Variants in FAM234A observed in about 807,000 individuals in gnomAD.
FAM234A encodes protein FAM234A.
A neutral mutation model predicts 49.1 loss-of-function variants in FAM234A; 42 were observed. The observed-to-expected ratio is 0.86, with a 90% CI of 0.67 to 1.11. The LOEUF (loss-of-function observed/expected upper bound fraction) is 1.11, where lower values mean the gene tolerates loss of function less well. Ranked by LOEUF, FAM234A falls within the 50% of genes least tolerant of loss-of-function variation. FAM234A has a pLI of 0.00. For synonymous variants in FAM234A, 369 were observed against 316.2 expected (o/e 1.17, Z -1.77); for missense variants, 815 against 745.2 (o/e 1.09, Z -1.09).
At chr16:267,639 T>TACAC (rs368357506), downstream of FAM234A, among the ~76,000 whole-genome samples, 584 of 82,184 alleles carry the variant, frequency 7.1e-3, no homozygotes, top group African/African-American at 0.019. Context: ...ACATGCCTCA[T>TACAC]ACGACACGTG....
intron 2 of FAM234A, 138 bp from the exon 3 acceptor site, chr16:254,243 C>T (rs2051136638): frequency 1.4e-6 from 1 of 700,196 alleles, no homozygotes; most frequent in Non-Finnish European, 2.5e-6. Context: ...ATTTATTTAG[C>T]TTTTATTTCC....
At chr16:239,351 C>A (rs995744095) in intron 1 of FAM234A, among the ~76,000 whole-genome samples, 1 of 150,636 alleles carries the variant, frequency 6.6e-6, no homozygotes, top group African/African-American at 2.4e-5. Flanking sequence ...CGGTGGCTCA[C>A]GCCTGTAATC....
chr16:238,794 A>G (rs1231322506), intron 1 of FAM234A, among the ~76,000 whole-genome samples: 2 of 141,590 alleles, frequency 1.4e-5, no homozygotes, highest in South Asian at 2.3e-4. Context: ...AAAGAAAAAA[A>G]AAATCCCTGG....
chr16:255,469 G>T (rs1268179864), intron 3 of FAM234A, among the ~76,000 whole-genome samples: 1 of 152,170 alleles, frequency 6.6e-6, no homozygotes, highest in Non-Finnish European at 1.5e-5. Flanking sequence ...AGCTACTTGG[G>T]AGGCTGAGGT....
chr16:259,438 A>T (rs2051367606), intron 3 of FAM234A, 45 bp from the exon 4 acceptor site: 1 of 1,139,980 alleles, frequency 8.8e-7, no homozygotes, highest in Non-Finnish European at 1.3e-6. Context: ...GTTCCTGGAA[A>T]CCAGGCATGG....
chr16:265,147 G>GGGC lies in FAM234A; in HGVS notation c.*126_*128dup. ...CCTGACCCTGGTGATGGTCGCCACTGGGCAGCAGCAGCCTTACCAGTCCTC... is the reference window on the plus strand; with the variant it reads ...CCTGACCCTGGTGATGGTCGCCACTGGGCGGCAGCAGCAGCCTTACCAGTCCTC... On this transcript the variant is annotated 3_prime_UTR_variant, in exon 13 of 13. Coordinates refer to ENST00000399932, the MANE Select transcript of FAM234A (RefSeq NM_032039.4). The GGGC allele has an allele frequency of 6.9e-7, 1 of 1,444,692 alleles. No homozygotes were observed. Among genetic ancestry groups the GGGC allele is most frequent in the Non-Finnish European group, 9.1e-7 (1 of 1,102,982 alleles). 89.5% of individuals were successfully genotyped at this position (1,444,692 alleles called of 1,614,324 possible).
chr16:268,071 G>A (rs989927171), downstream of FAM234A, among the ~76,000 whole-genome samples: 3 of 142,654 alleles, frequency 2.1e-5, no homozygotes, highest in Non-Finnish European at 4.5e-5. Context: ...AATCACACAT[G>A]CTATGCGTAC....
At position 254,371 on chromosome 16, in the gene FAM234A, A is replaced by G. The variant is rs753992917; in HGVS notation, c.-33-10A>G. The stretch of plus-strand genomic sequence containing the variant: ...GCTGGCCTCGCCGACCTCTTGCTTT[A>G]TCGACACAGTGACCAGGAGTTAAAC... On this transcript the variant is annotated splice_polypyrimidine_tract_variant and intron_variant, in intron 2 of 12. Transcript: ENST00000399932. The G allele has an allele frequency of 6.2e-7, 1 of 1,607,198 alleles. No homozygotes were observed. The highest frequency in any genetic ancestry group is 2.2e-5 in the East Asian group (1 of 44,804).
Position 263,384 on chromosome 16 carries a change from A to G in FAM234A, c.1094A>G (p.Lys365Arg), listed in dbSNP as rs201996983. 1.0e-3 allele frequency: 1,682 copies of G among 1,610,848 alleles called. 5 individuals are homozygous for G. Among genetic ancestry groups the G allele is most frequent in the Middle Eastern group, 2.3e-3 (14 of 6,062 alleles). The change falls in exon 9 of 13, where the codon AAG becomes AGG. Residue 365 changes from lysine to arginine, a missense_variant. Lys to Arg is a conservative substitution (Grantham distance 26). Coordinates refer to ENST00000399932, the MANE Select transcript of FAM234A (RefSeq NM_032039.4). ...GQELTPRWTP[K>R]AAHVLRKPIF... ...GAGCTGACGCCTCGCTGGACACCCAAGGCAGCCCATGTCCTGAGGTACAGG... is the reference window on the plus strand; with the variant it reads ...GAGCTGACGCCTCGCTGGACACCCAGGGCAGCCCATGTCCTGAGGTACAGG...
At chr16:244,266 T>C (rs1013299235) in intron 1 of FAM234A, among the ~76,000 whole-genome samples, 11 of 152,132 alleles carry the variant, frequency 7.2e-5, no homozygotes, top group African/African-American at 1.9e-4. Flanking sequence ...CCGCGCCCGG[T>C]CGGAAAATGA....
Position 245,825 on chromosome 16 carries a change from C to T in FAM234A, c.-139-3724C>T, listed in dbSNP as rs150944864. On this transcript the variant is annotated intron_variant, in intron 1 of 12. Transcript: ENST00000399932. ...CAGTGTTTTTCTTAATGATTTCCACCTTTGGGGTCATGCGTTCAAGACTTT... is the reference window on the plus strand; with the variant it reads ...CAGTGTTTTTCTTAATGATTTCCACTTTTGGGGTCATGCGTTCAAGACTTT... Among the ~76,000 whole-genome samples, 475 of 152,238 alleles carry T rather than the reference C, an allele frequency of 3.1e-3. 4 individuals are homozygous for T. Among genetic ancestry groups the T allele is most frequent in the African/African-American group, 0.011 (467 of 41,532 alleles).
intron 1 of FAM234A, among the ~76,000 whole-genome samples, chr16:242,949 T>C (rs978940842): frequency 2.6e-5 from 4 of 152,054 alleles, no homozygotes; most frequent in African/African-American, 9.6e-5. Flanking sequence ...ACGTATTGTA[T>C]TGACAAATTT....
chr16:253,113 T>C (rs1470248229), intron 2 of FAM234A, among the ~76,000 whole-genome samples: 1 of 152,228 alleles, frequency 6.6e-6, no homozygotes, highest in Non-Finnish European at 1.5e-5. Context: ...TGGGTGGTGG[T>C]GGTTGGCAGA....
At chr16:253,692 T>G (rs1415278549) in intron 2 of FAM234A, 3 of 152,254 alleles carry the variant, frequency 2.0e-5, no homozygotes, top group African/African-American at 7.2e-5. Context: ...GCCAGGATGG[T>G]CTTGATCTCC....
chr16:253,183 C>T (rs748978076), intron 2 of FAM234A, among the ~76,000 whole-genome samples: 2 of 152,088 alleles, frequency 1.3e-5, no homozygotes, highest in Non-Finnish European at 2.9e-5. Flanking sequence ...GTTTCTAAGA[C>T]GGCGACTGCC....
rs1567224620 is a variant in FAM234A at position 262,130 on chromosome 16, A to C, written c.746A>C (p.Gln249Pro). The change falls in exon 7 of 13, where the codon CAG becomes CCG. Residue 249 changes from glutamine (Q) to proline (P), a missense_variant. Physicochemically the swap from Gln to Pro is moderately conservative, Grantham distance 76 (BLOSUM62 -1). Transcript: ENST00000399932. Reference protein sequence around the residue: ...GHLYSGSTGHQIGLRGSLGVD... With the variant: ...GHLYSGSTGHPIGLRGSLGVD... ...CTCTACTCCGGCAGCACCGGGCACC[A>C]GATTGGCCTCAGAGGCAGCCTTGGT... 1 of 1,614,056 alleles carries C rather than the reference A, an allele frequency of 6.2e-7. No homozygotes were observed. Among genetic ancestry groups the C allele is most frequent in the Non-Finnish European group, 8.5e-7 (1 of 1,180,026 alleles).
At chr16:247,578 C>T (rs928349213) in intron 1 of FAM234A, among the ~76,000 whole-genome samples, 4 of 151,710 alleles carry the variant, frequency 2.6e-5, no homozygotes, top group African/African-American at 9.7e-5. Context: ...GATTAAGGTG[C>T]CCGCCACCAC....
chr16:269,045 C>T, downstream of FAM234A: 1 of 1,170,116 alleles, frequency 8.5e-7, no homozygotes, highest in East Asian at 2.6e-5. Context: ...GCCAATGAAC[C>T]CCCTCCCTGG....
rs373250620 is a variant in FAM234A, at chr16:264,069, G to T, written c.1242G>T (p.Pro414=). The change falls in exon 11 of 13, where the codon CCG becomes CCT. Residue 414 remains proline, a synonymous_variant. Transcript: ENST00000399932. ...CCGTCCTGTGTAGCCTAGCCCTCCC[G>T]AGCCTCCCTGGGGGTCCACTGTCCG... is the stretch of plus-strand genomic sequence containing the variant. ...TGAVLCSLAL[P]SLPGGPLSAS... 1 of 1,612,878 alleles carries T rather than the reference G, an allele frequency of 6.2e-7. No homozygotes were observed. The highest frequency in any genetic ancestry group is 1.3e-5 in the African/African-American group (1 of 74,902).
Sources: allele counts gnomAD v4.1 joint callset (sites outside exome capture counted in the v4.1 genomes callset), GRCh38; gene constraint gnomAD v4.1.1; transcripts MANE v1.5; gene names NCBI Gene and HGNC (gene_info 2026-07-23, HGNC 2026-07-21).